Variants in CCDC81 observed in about 807,000 individuals in gnomAD.
CCDC81 encodes the protein coiled-coil domain containing 81.
CCDC81 carries 79 observed loss-of-function variants against 83.7 expected under a neutral mutation model. The observed-to-expected ratio is 0.94, with a 90% confidence interval of 0.79 to 1.14. CCDC81 has a LOEUF of 1.14. CCDC81 is among the 50% of genes most tolerant of loss of function. CCDC81 has a pLI of 0.00. For missense variants in CCDC81, 791 were observed against 778.1 expected (o/e 1.02, Z -0.20); for synonymous variants, 252 against 278.1 (o/e 0.91, Z 0.93).
At chr11:86,405,735 T>A (rs892859476) in intron 7 of CCDC81, among the ~76,000 whole-genome samples, 7 of 152,166 alleles carry the variant, frequency 4.6e-5, no homozygotes, top group Admixed American at 4.6e-4. Flanking sequence ...AATTTGGATT[T>A]GTCAACATGT....
At chr11:86,395,142 T>A (rs1948386729) in intron 4 of CCDC81, 192 bp from the exon 5 acceptor site, 1 of 445,248 alleles carries the variant, frequency 2.2e-6, no homozygotes, top group Non-Finnish European at 4.0e-6. Flanking sequence ...GCTGTGCAGC[T>A]ACCCAGGGTG....
At chr11:86,406,206 G>C (rs1948563799) in intron 7 of CCDC81, among the ~76,000 whole-genome samples, 1 of 152,136 alleles carries the variant, frequency 6.6e-6, no homozygotes, top group African/African-American at 2.4e-5. Flanking sequence ...CTTGAGTGCT[G>C]ATTCTTGGTT....
intron 13 of CCDC81, among the ~76,000 whole-genome samples, chr11:86,416,839 G>A (rs1948726198): frequency 6.6e-6 from 1 of 152,104 alleles, no homozygotes; most frequent in African/African-American, 2.4e-5. Context: ...TCTTTCAGAG[G>A]GGATAATTTA....
intron 8 of CCDC81, 145 bp from the exon 9 acceptor site, chr11:86,407,982 C>A (rs1948584864): frequency 1.3e-6 from 1 of 770,596 alleles, no homozygotes; most frequent in Non-Finnish European, 2.0e-6. Context: ...GGGGTCCACT[C>A]TGCAAATCTC....
At chr11:86,375,508 G>A (rs1405009449) in intron 1 of CCDC81, among the ~76,000 whole-genome samples, 1 of 152,138 alleles carries the variant, frequency 6.6e-6, no homozygotes, top group Non-Finnish European at 1.5e-5. Context: ...GCTCAATAAA[G>A]GTTAGGTAAA....
rs369639135 is a variant in CCDC81 at position 86,379,175 on chromosome 11, C to A, written c.79+3933C>A. On this transcript the variant is annotated intron_variant, in intron 1 of 14. Coordinates refer to ENST00000445632, the MANE Select transcript of CCDC81 (RefSeq NM_001156474.2). ...GCAGTGGTGTGATCTTGGCTCACTG[C>A]AAGCTCCGCCTCCTGGGTTCATGCC... Among the ~76,000 whole-genome samples, 343 of 151,922 alleles carry A rather than the reference C, an allele frequency of 2.3e-3. 2 individuals carry two copies. Among genetic ancestry groups the A allele is most frequent in the African/African-American group, 7.8e-3 (321 of 41,390 alleles).
intron 3 of CCDC81, 96 bp from the exon 4 acceptor site, chr11:86,392,445 A>G (rs1391439722): frequency 8.0e-6 from 11 of 1,371,412 alleles, no homozygotes; most frequent in Non-Finnish European, 1.1e-5. Context: ...ATTTTAGGGC[A>G]TTGAGAATCA....
At chr11:86,401,373 A>G (rs1216441610) in intron 7 of CCDC81, among the ~76,000 whole-genome samples, 1 of 152,164 alleles carries the variant, frequency 6.6e-6, no homozygotes, top group Non-Finnish European at 1.5e-5. Flanking sequence ...AACCATGCTC[A>G]TTCATTGTTT....
intron 5 of CCDC81, among the ~76,000 whole-genome samples, chr11:86,395,901 G>A (rs1376966770): frequency 2.6e-5 from 4 of 152,200 alleles, no homozygotes; most frequent in African/African-American, 9.7e-5. Context: ...GAAATTACAG[G>A]CGTGAGCCAC....
intron 1 of CCDC81, among the ~76,000 whole-genome samples, chr11:86,379,343 AC>A (rs1202369410): frequency 6.6e-6 from 1 of 151,764 alleles, no homozygotes; most frequent in East Asian, 1.9e-4. Context: ...TGATCCGCCT[AC>A]CCCAGCCTCC....
intron 7 of CCDC81, among the ~76,000 whole-genome samples, chr11:86,401,432 T>C (rs557139101): frequency 2.0e-5 from 3 of 152,304 alleles, no homozygotes; most frequent in African/African-American, 7.2e-5. Flanking sequence ...ACCTTTAATT[T>C]ATTAATGTGT....
At chr11:86,378,617 TCTA>T (rs1948131075) in intron 1 of CCDC81, among the ~76,000 whole-genome samples, 1 of 152,240 alleles carries the variant, frequency 6.6e-6, no homozygotes, top group African/African-American at 2.4e-5. Flanking sequence ...TTCTTGCAGT[TCTA>T]CTAGTTTTTG....
At chr11:86,406,719 CACTTGA>C (rs1393736129) in intron 7 of CCDC81, among the ~76,000 whole-genome samples, 5 of 152,118 alleles carry the variant, frequency 3.3e-5, no homozygotes, top group African/African-American at 1.2e-4. Context: ...GCAGGAGAAT[CACTTGA>C]ACTTGGGAGG....
chr11:86,397,022 G>T (rs1948419226), intron 5 of CCDC81, among the ~76,000 whole-genome samples: 2 of 152,098 alleles, frequency 1.3e-5, no homozygotes, highest in Non-Finnish European at 2.9e-5. Flanking sequence ...TGAATTGACT[G>T]AAGGTACCCC....
At chr11:86,377,229 T>A (rs1948109670) in intron 1 of CCDC81, among the ~76,000 whole-genome samples, 1 of 152,222 alleles carries the variant, frequency 6.6e-6, no homozygotes, top group South Asian at 2.1e-4. Context: ...TTCCAAGTTT[T>A]GGCAATTATG....
At chr11:86,404,538 G>A (rs1188549529) in intron 7 of CCDC81, among the ~76,000 whole-genome samples, 1 of 152,146 alleles carries the variant, frequency 6.6e-6, no homozygotes, top group African/African-American at 2.4e-5. Context: ...TAAAAATGAA[G>A]TCAGAATCCA....
intron 10 of CCDC81, among the ~76,000 whole-genome samples, chr11:86,412,051 G>A (rs1274490465): frequency 6.6e-6 from 1 of 152,160 alleles, no homozygotes; most frequent in Non-Finnish European, 1.5e-5. Context: ...GTTGGTCAAG[G>A]AGATGGATTT....
chr11:86,420,205 T>A, intron 14 of CCDC81, 152 bp downstream of exon 14: 1 of 875,112 alleles, frequency 1.1e-6, no homozygotes, highest in Non-Finnish European at 1.7e-6. Context: ...CGTGATTGAT[T>A]AGAAATGTCT....
At chr11:86,379,788 G>T (rs2138487885) in intron 1 of CCDC81, among the ~76,000 whole-genome samples, 1 of 152,124 alleles carries the variant, frequency 6.6e-6, no homozygotes, top group South Asian at 2.1e-4. Flanking sequence ...ATCAGCATGG[G>T]CAATATAGTG....
Sources: allele counts gnomAD v4.1 joint callset (sites outside exome capture counted in the v4.1 genomes callset), GRCh38; gene constraint gnomAD v4.1.1; transcripts MANE v1.5; gene names NCBI Gene and HGNC (gene_info 2026-07-23, HGNC 2026-07-21).